STMND1: variants seen among roughly 807,000 people sequenced by gnomAD.
The protein encoded by STMND1 is stathmin domain containing 1, also known as stathmin domain-containing protein 1.
STMND1 carries 17 observed loss-of-function variants against 23.0 expected under a neutral mutation model. That is an observed-to-expected ratio of 0.74 (90% CI 0.51 to 1.11). The LOEUF (loss-of-function observed/expected upper bound fraction) is 1.11. Among genes scored for constraint, STMND1 ranks in the 50% least tolerant of loss-of-function variants. STMND1 has a pLI of 0.00. For missense variants in STMND1, 305 were observed against 329.1 expected, an observed-to-expected ratio of 0.93 and a Z score of 0.57; for synonymous variants, 114 against 119.9, an observed-to-expected ratio of 0.95 and a Z score of 0.32.
At chr6:17,108,790 G>A (rs748653227) in intron 1 of STMND1, among the ~76,000 whole-genome samples, 1 of 149,216 alleles carries the variant, frequency 6.7e-6, no homozygotes, top group African/African-American at 2.5e-5. Flanking sequence ...TCCGCCTCTC[G>A]AGTTCAAGTG....
chr6:17,121,957 G>T (rs867434880), intron 3 of STMND1, among the ~76,000 whole-genome samples: 2 of 151,934 alleles, frequency 1.3e-5, no homozygotes. Context: ...CTGCCTCCTG[G>T]GTTCAAGCGA....
At chr6:17,118,942 T>G (rs185266849) in intron 2 of STMND1, among the ~76,000 whole-genome samples, 65 of 152,322 alleles carry the variant, frequency 4.3e-4, no homozygotes, top group African/African-American at 1.5e-3. Context: ...TATCAAGTAC[T>G]CAGTATAGTG....
intron 2 of STMND1, among the ~76,000 whole-genome samples, chr6:17,117,349 G>A (rs763094709): frequency 1.3e-5 from 2 of 152,030 alleles, no homozygotes; most frequent in African/African-American, 2.4e-5. Context: ...GATTACAGGT[G>A]TGAGCCACCA....
intron 3 of STMND1, chr6:17,128,879 A>AT (rs1434440785): frequency 1.7e-5 from 6 of 344,014 alleles, no homozygotes; most frequent in Non-Finnish European, 3.3e-5. Flanking sequence ...TGCCTGGCTA[A>AT]TTTTTTGTAT....
chr6:17,112,212 A>G (rs918497228), intron 1 of STMND1, among the ~76,000 whole-genome samples: 5 of 152,202 alleles, frequency 3.3e-5, no homozygotes, highest in African/African-American at 4.8e-5. Flanking sequence ...CCTATTCTCA[A>G]TATGAATGGC....
At chr6:17,106,080 T>C (rs1262269501) in intron 1 of STMND1, among the ~76,000 whole-genome samples, 2 of 152,154 alleles carry the variant, frequency 1.3e-5, no homozygotes, top group Non-Finnish European at 2.9e-5. Flanking sequence ...ATTCTGTCCC[T>C]AGCTCCATGC....
intron 3 of STMND1, among the ~76,000 whole-genome samples, chr6:17,124,717 G>T (rs1033909486): frequency 6.6e-6 from 1 of 152,082 alleles, no homozygotes; most frequent in Non-Finnish European, 1.5e-5. Context: ...TTAAAATCAG[G>T]CTGGGCAAGA....
At chr6:17,114,827 CG>C in intron 1 of STMND1, 134 bp from the exon 2 acceptor site, 1 of 954,936 alleles carries the variant, frequency 1.0e-6, no homozygotes, top group Non-Finnish European at 1.5e-6. Flanking sequence ...TTGGGGACCC[CG>C]ATCTATGGCT....
chr6:17,107,498 T>A (rs540651633), intron 1 of STMND1, among the ~76,000 whole-genome samples: 11 of 152,192 alleles, frequency 7.2e-5, no homozygotes, highest in Non-Finnish European at 1.6e-4. Flanking sequence ...GAGGAAAAAA[T>A]AGAACATTCT....
intron 1 of STMND1, among the ~76,000 whole-genome samples, chr6:17,114,647 C>A (rs1048795654): frequency 1.3e-5 from 2 of 152,228 alleles, no homozygotes; most frequent in African/African-American, 4.8e-5. Flanking sequence ...CTATGAGAAT[C>A]TAATGTCACT....
Position 17,102,361 on chromosome 6 carries a change from A to G in STMND1, c.81+23A>G, listed in dbSNP as rs1473743. 3.1e-3 allele frequency: 4,714 copies of G among 1,532,838 alleles called. 12 individuals carry two copies. The highest frequency in any genetic ancestry group is 3.9e-3 in the Non-Finnish European group (4,467 of 1,144,398). 95.0% of individuals were successfully genotyped at this position (1,532,838 alleles called of 1,614,324 possible). ...AAGGTAATAAACAAACAAACAAACA[A>G]ACAAACAAACAGACAGAAAGCCTTT... On this transcript the variant is annotated intron_variant, in intron 1 of 4. Coordinates refer to ENST00000536551, the MANE Select transcript of STMND1 (RefSeq NM_001190766.2).
chr6:17,115,653 G>C (rs1463543225), intron 2 of STMND1, among the ~76,000 whole-genome samples: 1 of 152,170 alleles, frequency 6.6e-6, no homozygotes, highest in Non-Finnish European at 1.5e-5. Flanking sequence ...ACTATTTGTG[G>C]GTTTTCCTAT....
chr6:17,122,713 G>A (rs1293826131), intron 3 of STMND1, among the ~76,000 whole-genome samples: 1 of 150,822 alleles, frequency 6.6e-6, no homozygotes, highest in African/African-American at 2.4e-5. Flanking sequence ...CCAATAATAA[G>A]AGGATGTCGG....
rs755753246 is a variant in STMND1, at chr6:17,129,208, G to A, written c.508G>A (p.Glu170Lys). 3.3e-5 allele frequency: 50 copies of A among 1,535,850 alleles called. No homozygotes were observed. The highest frequency in any genetic ancestry group is 2.6e-4 in the African/African-American group (19 of 73,146). Residue 170 changes from glutamate to lysine, a missense_variant, in exon 4 of 5, where the codon GAG (glutamate) becomes AAG (lysine). Glu to Lys is a moderately conservative substitution (Grantham distance 56). Coordinates refer to ENST00000536551, the MANE Select transcript of STMND1 (RefSeq NM_001190766.2). ...GAAGGATTTCACAATGAAGGACATCGAGGAGAAGATGGAGGCTGCCGAGGA... is the reference window on the plus strand; with the variant it reads ...GAAGGATTTCACAATGAAGGACATCAAGGAGAAGATGGAGGCTGCCGAGGA... ...QVKDFTMKDI[E>K]EKMEAAEERR...
Position 17,115,020 on chromosome 6 carries a change from T to C in STMND1, c.140T>C (p.Leu47Pro). 2 of 1,535,470 alleles carry C rather than the reference T, an allele frequency of 1.3e-6. No homozygotes were observed. The highest frequency in any genetic ancestry group is 1.7e-6 in the Non-Finnish European group (2 of 1,146,602). ...ENCSPRMEAA[L>P]TKNTVDIAEG... ...TGCAGCCCCCGGATGGAAGCTGCTC[T>C]GACCAAGAATACTGTGGACATTGCA... The change falls in exon 2 of 5, where the codon CTG becomes CCG. Residue 47 changes from leucine to proline, a missense_variant. Physicochemically the swap from Leu to Pro is moderately conservative, Grantham distance 98 (BLOSUM62 -3). Transcript: ENST00000536551.
intron 1 of STMND1, among the ~76,000 whole-genome samples, chr6:17,108,433 A>T (rs1490489853): frequency 6.6e-6 from 1 of 152,216 alleles, no homozygotes; most frequent in Non-Finnish European, 1.5e-5. Context: ...GTCTTTCAAG[A>T]GTCTCCACTT....
intron 3 of STMND1, among the ~76,000 whole-genome samples, chr6:17,125,586 C>G (rs1761285007): frequency 6.6e-6 from 1 of 152,108 alleles, no homozygotes; most frequent in Non-Finnish European, 1.5e-5. Context: ...GAGTCTCTAC[C>G]ATTATTTGTT....
chr6:17,120,992 C>T (rs186908315), intron 3 of STMND1, among the ~76,000 whole-genome samples: 33 of 152,292 alleles, frequency 2.2e-4, no homozygotes, highest in African/African-American at 7.5e-4. Flanking sequence ...GTGTCAAGGG[C>T]GGGACCAGGT....
In STMND1 at chr6:17,116,014, C is replaced by A. The variant is rs547954520; in HGVS notation, c.259+875C>A. ...CACAGGAATGGACTCTCCCTCCCTT[C>A]TATGTGTTAGGTTGACAAATACATT... is the stretch of plus-strand genomic sequence containing the variant. On this transcript the variant is annotated intron_variant, in intron 2 of 4. Coordinates refer to ENST00000536551, the MANE Select transcript of STMND1 (RefSeq NM_001190766.2). Among the ~76,000 whole-genome samples, 12 of 152,310 alleles carry A rather than the reference C, an allele frequency of 7.9e-5. No homozygotes were observed. In the South Asian group the frequency reaches 2.1e-3, roughly 26 times the overall value.
Sources: allele counts gnomAD v4.1 joint callset (sites outside exome capture counted in the v4.1 genomes callset), GRCh38; gene constraint gnomAD v4.1.1; transcripts MANE v1.5; gene names NCBI Gene and HGNC (gene_info 2026-07-23, HGNC 2026-07-21).